Variants in KRT77 observed in about 807,000 individuals in gnomAD.
KRT77 encodes the protein keratin 77, also known as keratin, type II cytoskeletal 1b.
A neutral mutation model predicts 51.5 loss-of-function variants in KRT77; 44 were observed. The observed-to-expected ratio is 0.85, with a 90% CI of 0.67 to 1.10. The LOEUF is 1.10. KRT77 is among the 50% of genes least tolerant of loss of function. The pLI, the probability that KRT77 is intolerant of heterozygous loss-of-function variation, is 0.00. For synonymous variants in KRT77, 293 were observed against 302.0 expected (o/e 0.97, Z 0.31); for missense variants, 763 against 743.9 (o/e 1.03, Z -0.30).
chr12:52,692,003 C>G (rs768819028), intron 7 of KRT77, 31 bp from the exon 8 acceptor site: 1 of 1,612,814 alleles, frequency 6.2e-7, no homozygotes, highest in Non-Finnish European at 8.5e-7. Flanking sequence ...GTCAGCCAGA[C>G]CCACAGGGCC....
intron 5 of KRT77, among the ~76,000 whole-genome samples, chr12:52,693,192 T>C (rs1413212318): frequency 6.6e-6 from 1 of 150,524 alleles, no homozygotes; most frequent in Non-Finnish European, 1.5e-5. Flanking sequence ...AGCCTTCACG[T>C]TGGTCCTTAC....
Position 52,702,971 on chromosome 12 carries a change from GGGTCCACCTCC to G in KRT77, c.453_463del (p.Glu152Ter), listed in dbSNP as rs1364888462. On this transcript the variant is annotated frameshift_variant, in exon 1 of 9. Coordinates refer to ENST00000341809, the MANE Select transcript of KRT77 (RefSeq NM_175078.3). LOFTEE classifies it high-confidence loss of function. ...CTGGGTCTTGATCCTCTGAATTTCA[GGGTCCACCTCC>G]AGGTGAAGTGGCTCTAGGAGGCTCT... 1.2e-6 allele frequency: 2 copies of G among 1,614,084 alleles called. No homozygotes were observed. Among genetic ancestry groups the G allele is most frequent in the South Asian group, 2.2e-5 (2 of 91,070 alleles).
At chr12:52,692,701 G>A in intron 6 of KRT77, 54 bp downstream of exon 6, 1 of 1,597,232 alleles carries the variant, frequency 6.3e-7, no homozygotes, top group Non-Finnish European at 8.6e-7. Context: ...CGATCTGGCA[G>A]GGCATTGTAG....
At chr12:52,699,705 C>T (rs1207679361) in intron 1 of KRT77, among the ~76,000 whole-genome samples, 1 of 152,248 alleles carries the variant, frequency 6.6e-6, no homozygotes. Context: ...TAGACCTCAG[C>T]TGAGGTGGCA....
In KRT77 at chr12:52,691,133, G is replaced by C. The variant is rs1941697276; in HGVS notation, c.*32C>G. ...GGAGTTTGAGGAGAGGGCGGTGAGGGGCAGGCGTGATGTGTGGCAGAAACG... is the reference window on the plus strand; with the variant it reads ...GGAGTTTGAGGAGAGGGCGGTGAGGCGCAGGCGTGATGTGTGGCAGAAACG... On this transcript the variant is annotated 3_prime_UTR_variant, in exon 9 of 9. Coordinates refer to ENST00000341809, the MANE Select transcript of KRT77 (RefSeq NM_175078.3). 6 of 1,613,734 alleles carry C rather than the reference G, an allele frequency of 3.7e-6. No homozygotes were observed. The highest frequency in any genetic ancestry group is 5.1e-6 in the Non-Finnish European group (6 of 1,179,832).
At position 52,692,484 on chromosome 12, in the gene KRT77, A is replaced by AC; in HGVS notation, c.1363dup (p.Val455GlyfsTer198). On this transcript the variant is annotated frameshift_variant, in exon 7 of 9. Coordinates refer to ENST00000341809, the MANE Select transcript of KRT77 (RefSeq NM_175078.3). LOFTEE classifies it high-confidence loss of function. ...GATCTCCACATCCAGGGACAGCTTG[A>AC]CCCCCAGCATGGCCTGGTAGTCACG... 6.2e-7 allele frequency: 1 copy of AC among 1,612,958 alleles called. No homozygotes were observed. The highest frequency in any genetic ancestry group is 8.5e-7 in the Non-Finnish European group (1 of 1,179,776).
intron 5 of KRT77, 130 bp from the exon 6 acceptor site, chr12:52,693,010 A>G: frequency 9.6e-7 from 1 of 1,039,552 alleles, no homozygotes; most frequent in Non-Finnish European, 1.4e-6. Context: ...CCCTACATGC[A>G]TACTCACAGC....
rs746466131 is a variant in KRT77, at chr12:52,691,393, G to T, written c.1509C>A (p.Gly503=). Residue 503 remains glycine, a synonymous_variant, in exon 9 of 9, where the codon GGC becomes GGA. Transcript: ENST00000341809. ...QVSVNGGAGG[G]GSYGSGGYGG... Reference sequence around the variant, plus strand: ...CGTAGCCTCCTGAGCCGTAGCTGCCGCCGCCTCCCGCGCCGCCGTTGACGC... The same window carrying T: ...CGTAGCCTCCTGAGCCGTAGCTGCCTCCGCCTCCCGCGCCGCCGTTGACGC... 1.3e-6 allele frequency: 2 copies of T among 1,599,942 alleles called. No individual in the cohort carries two copies. Among genetic ancestry groups the T allele is most frequent in the South Asian group, 2.2e-5 (2 of 90,308 alleles).
intron 1 of KRT77, among the ~76,000 whole-genome samples, chr12:52,702,050 G>C (rs1941893190): frequency 6.6e-6 from 1 of 152,118 alleles, no homozygotes; most frequent in Non-Finnish European, 1.5e-5. Context: ...TCTGCCCTGA[G>C]AACCCATTTA....
chr12:52,691,272 C>T lies in KRT77; in HGVS notation c.1630G>A (p.Gly544Ser). ...CTCCCTCCGTAGCTCCCGCCACCGC[C>T]GCCGCAGCCGCTGCCATAACCGCCT... ...SGGGYGSGCG[G>S]GGGSYGGSGR... Residue 544 changes from glycine (G) to serine (S), a missense_variant, in exon 9 of 9, where the codon GGC becomes AGC. Coordinates refer to ENST00000341809, the MANE Select transcript of KRT77 (RefSeq NM_175078.3). The T allele has an allele frequency of 6.3e-7, 1 of 1,598,272 alleles. No homozygotes were observed. Among genetic ancestry groups the T allele is most frequent in the Non-Finnish European group, 8.5e-7 (1 of 1,171,286 alleles).
At chr12:52,695,642 A>T in intron 4 of KRT77, 130 bp downstream of exon 4, 1 of 646,784 alleles carries the variant, frequency 1.5e-6, no homozygotes, top group Non-Finnish European at 2.8e-6. Context: ...AGGCCCACAG[A>T]GTTGGGGTAC....
chr12:52,698,168 G>A, intron 1 of KRT77: 15 of 1,362,504 alleles, frequency 1.1e-5, no homozygotes, highest in Non-Finnish European at 1.4e-5. Context: ...ACATCATAGA[G>A]CACTCACCCT....
At position 52,697,809 on chromosome 12, in the gene KRT77, G is replaced by T. The variant is rs368763533; in HGVS notation, c.631C>A (p.Leu211Met). 5.6e-6 allele frequency: 9 copies of T among 1,614,030 alleles called. No individual in the cohort carries two copies. Among genetic ancestry groups the T allele is most frequent in the African/African-American group, 2.7e-5 (2 of 74,918 alleles). The part of the protein sequence containing the change: ...QVNTSTGTNN[L>M]EPLLENYIGD... Reference sequence around the variant, plus strand: ...ATGTAGTTCTCCAAGAGGGGCTCCAGGTTGTTGGTTCCAGTTGAGGTGTTC... The same window carrying T: ...ATGTAGTTCTCCAAGAGGGGCTCCATGTTGTTGGTTCCAGTTGAGGTGTTC... Residue 211 changes from leucine to methionine, a missense_variant, in exon 2 of 9, where the codon CTG becomes ATG. Transcript: ENST00000341809.
In KRT77 at chr12:52,690,807, C is replaced by G; in HGVS notation, c.*358G>C. 2.5e-6 allele frequency: 1 copy of G among 405,834 alleles called. No individual in the cohort carries two copies. The allele number at this position is 405,834 out of a possible 1,614,324, so 25.1% of individuals were successfully genotyped here. ...GGAGGCAGAGGAATGATAACAATGA[C>G]TTCTCCCTACCTTGCCAACTCACGC... On this transcript the variant is annotated 3_prime_UTR_variant, in exon 9 of 9. Coordinates refer to ENST00000341809, the MANE Select transcript of KRT77 (RefSeq NM_175078.3).
At chr12:52,700,586 C>G (rs768048597) in intron 1 of KRT77, among the ~76,000 whole-genome samples, 2 of 152,074 alleles carry the variant, frequency 1.3e-5, no homozygotes, top group African/African-American at 4.8e-5. Flanking sequence ...CAGAGGGGCA[C>G]AGGAGGCTGC....
chr12:52,690,776 CT>C lies in KRT77; in HGVS notation c.*388del. 2.8e-6 allele frequency: 1 copy of C among 350,962 alleles called. No individual in the cohort carries two copies. The highest frequency in any genetic ancestry group is 5.3e-6 in the Non-Finnish European group (1 of 189,558). 21.7% of individuals were successfully genotyped at this position (350,962 alleles called of 1,614,324 possible). The stretch of plus-strand genomic sequence containing the variant: ...GCTTGAACTGGGGCATAAGGGCATT[CT>C]ACTTGGAGGCAGAGGAATGATAACA... On this transcript the variant is annotated 3_prime_UTR_variant, in exon 9 of 9. Transcript: ENST00000341809.
In KRT77 at chr12:52,692,621, G is replaced by A. The variant is rs376063963; in HGVS notation, c.1227C>T (p.Leu409=). Residue 409 remains leucine (L), a synonymous_variant, in exon 7 of 9, where the codon CTC becomes CTT. Transcript: ENST00000341809. ...VKKQIEQMQS[L]ISDAEERGEQ... ...CGCCTCTCTCCTCAGCATCCGAAATGAGTGACTGCATCTGTTCAATCTGCT... is the reference window on the plus strand; with the variant it reads ...CGCCTCTCTCCTCAGCATCCGAAATAAGTGACTGCATCTGTTCAATCTGCT... 15 of 1,602,530 alleles carry A rather than the reference G, an allele frequency of 9.4e-6. 2 individuals are homozygous for A. Among genetic ancestry groups the A allele is most frequent in the Non-Finnish European group, 1.3e-5 (15 of 1,170,134 alleles).
intron 2 of KRT77, among the ~76,000 whole-genome samples, chr12:52,697,061 A>G (rs1036403909): frequency 2.0e-5 from 3 of 152,220 alleles, no homozygotes; most frequent in African/African-American, 4.8e-5. Flanking sequence ...TAGTCATAAT[A>G]ACAAGGGTTT....
chr12:52,690,890 A>T lies in KRT77; in HGVS notation c.*275T>A. On this transcript the variant is annotated 3_prime_UTR_variant, in exon 9 of 9. Coordinates refer to ENST00000341809, the MANE Select transcript of KRT77 (RefSeq NM_175078.3). ...ACCCTGGGCTACCGATCTTCCAAAA[A>T]GGTGGGAGCAGGAACAGCAGCAGGG... is the stretch of plus-strand genomic sequence containing the variant. The T allele has an allele frequency of 5.5e-6, 3 of 550,350 alleles. No homozygotes were observed. In the South Asian group the frequency reaches 6.5e-5, roughly 12 times the overall value. The allele number at this position is 550,350 out of a possible 1,614,324, so 34.1% of individuals were successfully genotyped here.
Sources: allele counts gnomAD v4.1 joint callset (sites outside exome capture counted in the v4.1 genomes callset), GRCh38; gene constraint gnomAD v4.1.1; transcripts MANE v1.5; gene names NCBI Gene and HGNC (gene_info 2026-07-23, HGNC 2026-07-21).